PXT1: variants seen among roughly 807,000 people sequenced by gnomAD.
The protein encoded by PXT1 is peroxisomal testis-specific protein 1.
PXT1 carries 11 observed loss-of-function variants against 11.0 expected under a neutral mutation model. The observed-to-expected ratio is 1.00, with a 90% CI of 0.63 to 1.66. The LOEUF (loss-of-function observed/expected upper bound fraction) is 1.66. Ranked by LOEUF, PXT1 falls within the 40% of genes most tolerant of loss-of-function variation. The pLI is 0.00. For synonymous variants in PXT1, 43 were observed against 51.4 expected (o/e 0.84, Z 0.70); for missense variants, 141 against 155.5 (o/e 0.91, Z 0.49).
rs10677902 is a variant in PXT1 at position 36,433,837 on chromosome 6, A to AAAAAAAAG, written c.-10+4929_-10+4930insCTTTTTTT. On this transcript the variant is annotated intron_variant, in intron 2 of 4. Transcript: ENST00000454782. ...GACTCTGTCTCAGGAAAAAAAAAAAAAAAGAAAAGAAAAGAGGCTAAAGAG... is the reference window on the plus strand; with the variant it reads ...GACTCTGTCTCAGGAAAAAAAAAAAAAAAAAAAGAAAGAAAAGAAAAGAGGCTAAAGAG... 3.8e-5 allele frequency among the ~76,000 whole-genome samples: 5 copies of AAAAAAAAG among 132,860 alleles called. 1 individual carries two copies. The highest frequency in any genetic ancestry group is 1.6e-4 in the Admixed American group (2 of 12,344). 87.2% of individuals were successfully genotyped at this position (132,860 alleles called of 152,430 possible). A position where few individuals can be genotyped will look rare whatever the true frequency, so the allele number is the denominator to read the frequency against.
At chr6:36,436,405 T>C (rs971706403) in intron 2 of PXT1, among the ~76,000 whole-genome samples, 1 of 152,116 alleles carries the variant, frequency 6.6e-6, no homozygotes, top group Non-Finnish European at 1.5e-5. Flanking sequence ...GGAGATAAAT[T>C]TGAGATTTAG....
intron 3 of PXT1, among the ~76,000 whole-genome samples, chr6:36,405,245 A>G (rs892360506): frequency 5.9e-5 from 9 of 152,230 alleles, no homozygotes; most frequent in Admixed American, 1.3e-4. Flanking sequence ...AAAGATATAA[A>G]GAAAATAATT....
At chr6:36,410,082 G>C (rs1276674808) in intron 3 of PXT1, among the ~76,000 whole-genome samples, 1 of 151,546 alleles carries the variant, frequency 6.6e-6, no homozygotes, top group Non-Finnish European at 1.5e-5. Context: ...CAGCACTTTG[G>C]GGGGCCAAGG....
intron 3 of PXT1, among the ~76,000 whole-genome samples, chr6:36,411,119 A>C (rs1774367017): frequency 6.6e-6 from 1 of 152,208 alleles, no homozygotes; most frequent in Non-Finnish European, 1.5e-5. Context: ...AAACAAAATA[A>C]TGGTTCATCT....
At chr6:36,415,741 A>G (rs1449963884) in intron 3 of PXT1, among the ~76,000 whole-genome samples, 2 of 152,206 alleles carry the variant, frequency 1.3e-5, no homozygotes, top group Non-Finnish European at 2.9e-5. Context: ...AAATTAGATC[A>G]GGAGCAACAG....
intron 4 of PXT1, among the ~76,000 whole-genome samples, chr6:36,396,693 T>C (rs1211549678): frequency 1.3e-5 from 2 of 152,182 alleles, no homozygotes; most frequent in Admixed American, 1.3e-4. Context: ...CCAATCAGCA[T>C]GCACTGCCTC....
At chr6:36,437,663 G>A (rs551888622) in intron 2 of PXT1, among the ~76,000 whole-genome samples, 3 of 150,980 alleles carry the variant, frequency 2.0e-5, no homozygotes, top group Admixed American at 6.6e-5. Flanking sequence ...ACAGGCGCCC[G>A]CCACCATGCC....
intron 2 of PXT1, among the ~76,000 whole-genome samples, chr6:36,438,477 G>C (rs976352584): frequency 1.3e-5 from 2 of 152,150 alleles, no homozygotes; most frequent in African/African-American, 4.8e-5. Flanking sequence ...AGGCTGGAGT[G>C]CAGTGGCGTG....
chr6:36,400,683 G>A (rs150045715), intron 3 of PXT1, 99 bp from the exon 4 acceptor site: 15 of 1,322,950 alleles, frequency 1.1e-5, no homozygotes, highest in African/African-American at 5.9e-5. Flanking sequence ...AAAATGAGAG[G>A]GTTGGCCAGA....
intron 3 of PXT1, among the ~76,000 whole-genome samples, chr6:36,424,034 A>G (rs1774565402): frequency 6.6e-6 from 1 of 152,236 alleles, no homozygotes; most frequent in Admixed American, 6.5e-5. Flanking sequence ...AAAGCATTTG[A>G]GGCAAAAGTA....
intron 4 of PXT1, among the ~76,000 whole-genome samples, chr6:36,396,568 G>A (rs932318973): frequency 6.6e-6 from 1 of 152,188 alleles, no homozygotes; most frequent in Non-Finnish European, 1.5e-5. Flanking sequence ...TCCCCAGTGA[G>A]ACCCCACCTT....
intron 3 of PXT1, among the ~76,000 whole-genome samples, chr6:36,408,277 T>A (rs994357645): frequency 4.0e-5 from 6 of 150,246 alleles, no homozygotes; most frequent in African/African-American, 4.9e-5. Context: ...TTTTTTTTTT[T>A]AATACAGGGT....
At chr6:36,423,209 AG>A (rs1330538349) in intron 3 of PXT1, among the ~76,000 whole-genome samples, 2 of 152,316 alleles carry the variant, frequency 1.3e-5, no homozygotes, top group African/African-American at 4.8e-5. Flanking sequence ...GAAGCCACTG[AG>A]GGGAGAGGTG....
intron 2 of PXT1, among the ~76,000 whole-genome samples, chr6:36,431,313 A>G (rs1187763025): frequency 6.6e-6 from 1 of 152,210 alleles, no homozygotes; most frequent in African/African-American, 2.4e-5. Context: ...CAAGCAGTGT[A>G]TGTTGGTTGA....
chr6:36,416,644 AT>A (rs752932752), intron 3 of PXT1, among the ~76,000 whole-genome samples: 32 of 152,222 alleles, frequency 2.1e-4, no homozygotes, highest in Non-Finnish European at 3.5e-4. Context: ...CCTTCTGATC[AT>A]TATGACTATT....
intron 3 of PXT1, among the ~76,000 whole-genome samples, chr6:36,417,936 C>A (rs1463032288): frequency 1.3e-5 from 2 of 152,004 alleles, no homozygotes; most frequent in Non-Finnish European, 2.9e-5. Flanking sequence ...GGTGGTCATG[C>A]CTGTAATCCC....
At chr6:36,419,528 T>G (rs536631611) in intron 3 of PXT1, among the ~76,000 whole-genome samples, 1 of 152,190 alleles carries the variant, frequency 6.6e-6, no homozygotes, top group Non-Finnish European at 1.5e-5. Flanking sequence ...CAAAAGCATG[T>G]TGAAACTTGA....
intron 3 of PXT1, among the ~76,000 whole-genome samples, chr6:36,413,601 G>T (rs554265703): frequency 6.6e-5 from 10 of 152,150 alleles, no homozygotes; most frequent in Non-Finnish European, 1.5e-4. Flanking sequence ...AATAACAATG[G>T]ATATTATAAT....
intron 3 of PXT1, among the ~76,000 whole-genome samples, chr6:36,419,946 A>G (rs1402270903): frequency 2.0e-5 from 3 of 152,206 alleles, no homozygotes; most frequent in Admixed American, 6.5e-5. Context: ...CAGGGTCTCA[A>G]TGCATTGATT....
Sources: gnomAD v4.1 joint callset for allele counts (sites outside exome capture counted in the v4.1 genomes callset) on GRCh38, gnomAD v4.1.1 for gene constraint, MANE v1.5 for transcripts, NCBI Gene and HGNC (gene_info 2026-07-23, HGNC 2026-07-21) for gene names.